Variants in EYS observed in about 807,000 individuals in gnomAD.
EYS encodes the protein EGF-like photoreceptor maintenance factor.
EYS carries 250 observed loss-of-function variants against 282.1 expected under a neutral mutation model. That is an observed-to-expected ratio of 0.89 (90% CI 0.80 to 0.98). The LOEUF (loss-of-function observed/expected upper bound fraction) is 0.98, where lower values mean the gene tolerates loss of function less well. EYS is among the 50% of genes least tolerant of loss of function. The pLI is 0.00. For synonymous variants in EYS, 1,355 were observed against 1,282.9 expected, an observed-to-expected ratio of 1.06 and a Z score of -1.20; for missense variants, 4,016 against 3,709.0, an observed-to-expected ratio of 1.08 and a Z score of -2.15.
At chr6:64,528,222 T>C (rs1777987335) in intron 26 of EYS, among the ~76,000 whole-genome samples, 1 of 151,918 alleles carries the variant, frequency 6.6e-6, no homozygotes, top group Non-Finnish European at 1.5e-5. Flanking sequence ...CTTTCATGCA[T>C]TGACAGGTAT....
In EYS at chr6:65,004,743, G is replaced by A. The variant is rs566982230; in HGVS notation, c.2138-7040C>T. Among the ~76,000 whole-genome samples, 2 of 146,720 alleles carry A rather than the reference G, an allele frequency of 1.4e-5. 1 individual carries two copies. The highest frequency in any genetic ancestry group is 3.1e-5 in the Non-Finnish European group (2 of 65,564). ...TCACCTGGCATATTTCAGCATAAAGGCATCCAATTTATTCTCTATTCTCTT... is the reference window on the plus strand; with the variant it reads ...TCACCTGGCATATTTCAGCATAAAGACATCCAATTTATTCTCTATTCTCTT... On this transcript the variant is annotated intron_variant, in intron 13 of 42. Transcript: ENST00000503581.
At position 64,248,996 on chromosome 6, in the gene EYS, A is replaced by T. The variant is rs1488965478; in HGVS notation, c.6192-18172T>A. Among the ~76,000 whole-genome samples, 3 of 145,666 alleles carry T rather than the reference A, an allele frequency of 2.1e-5. No individual in the cohort carries two copies. The East Asian group carries it at 6.3e-4, about 31-fold the overall frequency. ...GCTTGAATCTTGGAGGCTTGGAGGC[A>T]GTGGTTGCAACCAGCAGAGATCACG... On this transcript the variant is annotated intron_variant, in intron 30 of 42. Coordinates refer to ENST00000503581, the MANE Select transcript of EYS (RefSeq NM_001142800.2).
Position 63,806,207 on chromosome 6 carries a change from G to C in EYS, c.7394C>G (p.Thr2465Ser), listed in dbSNP as rs145184183. 550 of 1,551,384 alleles carry C rather than the reference G, an allele frequency of 3.5e-4. 7 individuals carry two copies. The East Asian group carries it at 0.013, about 37-fold the overall frequency. The change falls in exon 37 of 43, where the codon ACT becomes AGT. Residue 2465 changes from threonine (T) to serine (S), a missense_variant. Physicochemically the swap from Thr to Ser is moderately conservative, Grantham distance 58. Transcript: ENST00000503581. ...AATCTTACCATGGCCTTTCTGTCCA[G>C]TAAAAAATATCAAGTTATTTTGCAG... is the stretch of plus-strand genomic sequence containing the variant. ...SALQNNLIFF[T>S]GQKGHGLNGD... is the part of the protein sequence containing the mutation.
At chr6:64,162,868 T>C (rs895288581) in intron 31 of EYS, among the ~76,000 whole-genome samples, 3 of 152,202 alleles carry the variant, frequency 2.0e-5, no homozygotes, top group African/African-American at 7.2e-5. Context: ...TTCGACCTTA[T>C]GGTACCTCCA....
At chr6:63,785,347 C>T (rs1162538765) in intron 39 of EYS, among the ~76,000 whole-genome samples, 1 of 152,142 alleles carries the variant, frequency 6.6e-6, no homozygotes, top group African/African-American at 2.4e-5. Flanking sequence ...TGTTTCTTCC[C>T]CTTATTCCTC....
intron 22 of EYS, among the ~76,000 whole-genome samples, chr6:64,770,193 T>C (rs1241226981): frequency 6.6e-6 from 1 of 151,900 alleles, no homozygotes; most frequent in African/African-American, 2.4e-5. Context: ...CCAGTCCCTA[T>C]TAATACTTTC....
chr6:65,288,021 G>A (rs9354217), intron 12 of EYS, among the ~76,000 whole-genome samples: 81,856 of 150,940 alleles, frequency 0.54, 23,659 homozygotes, highest in East Asian at 0.91. Context: ...ATCAGACATT[G>A]TATAGAACAG....
chr6:65,430,313 T>C (rs1351996708), intron 5 of EYS, among the ~76,000 whole-genome samples: 3 of 152,104 alleles, frequency 2.0e-5, no homozygotes, highest in Non-Finnish European at 4.4e-5. Context: ...AACACCGAAC[T>C]CATCTGACAC....
intron 7 of EYS, among the ~76,000 whole-genome samples, chr6:65,385,338 A>C (rs1442603935): frequency 6.6e-6 from 1 of 151,946 alleles, no homozygotes; most frequent in African/African-American, 2.4e-5. Flanking sequence ...TAATTTCATA[A>C]AAGGGATCAA....
chr6:65,169,791 C>T (rs1234752737), intron 12 of EYS, among the ~76,000 whole-genome samples: 3 of 151,414 alleles, frequency 2.0e-5, no homozygotes. Flanking sequence ...TTACACTCTT[C>T]TTTCTAATAT....
chr6:65,619,607 A>T (rs2149800880), intron 2 of EYS, among the ~76,000 whole-genome samples: 1 of 152,102 alleles, frequency 6.6e-6, no homozygotes, highest in South Asian at 2.1e-4. Flanking sequence ...AGGAGTGGTG[A>T]GAGAGGGCAT....
chr6:65,648,161 G>C (rs531102464), intron 1 of EYS, among the ~76,000 whole-genome samples: 18 of 152,062 alleles, frequency 1.2e-4, no homozygotes, highest in African/African-American at 4.1e-4. Context: ...ATTTGATCAC[G>C]CAATTCCATT....
intron 2 of EYS, among the ~76,000 whole-genome samples, chr6:65,576,269 T>C (rs1184609742): frequency 6.6e-6 from 1 of 151,986 alleles, no homozygotes; most frequent in Non-Finnish European, 1.5e-5. Context: ...CAAGGATAAT[T>C]TAATATATGC....
At chr6:64,168,193 G>T (rs1764354893) in intron 31 of EYS, among the ~76,000 whole-genome samples, 1 of 152,118 alleles carries the variant, frequency 6.6e-6, no homozygotes, top group South Asian at 2.1e-4. Context: ...CCCGGGAGGG[G>T]GAGCTTGCAG....
intron 35 of EYS, among the ~76,000 whole-genome samples, chr6:63,974,023 C>T (rs1405265120): frequency 6.6e-6 from 1 of 152,068 alleles, no homozygotes; most frequent in Non-Finnish European, 1.5e-5. Flanking sequence ...GGTTTGTTTT[C>T]TTTCTAAATT....
chr6:65,454,922 T>C (rs1386768499), intron 5 of EYS, among the ~76,000 whole-genome samples: 1 of 152,140 alleles, frequency 6.6e-6, no homozygotes, highest in Non-Finnish European at 1.5e-5. Flanking sequence ...GTAGTGTATG[T>C]TGAAGTAAGG....
intron 34 of EYS, among the ~76,000 whole-genome samples, chr6:63,992,118 G>A (rs1319308704): frequency 6.6e-6 from 1 of 151,654 alleles, no homozygotes; most frequent in Non-Finnish European, 1.5e-5. Flanking sequence ...TGAAATAGAA[G>A]AATACTAGAC....
chr6:65,481,427 T>C (rs1765602902), intron 5 of EYS, among the ~76,000 whole-genome samples: 1 of 152,196 alleles, frequency 6.6e-6, no homozygotes, highest in African/African-American at 2.4e-5. Flanking sequence ...ATACAAGCAA[T>C]AAAGTTTCAT....
intron 35 of EYS, among the ~76,000 whole-genome samples, chr6:63,884,406 C>G (rs1275533362): frequency 6.6e-6 from 1 of 151,850 alleles, no homozygotes; most frequent in Non-Finnish European, 1.5e-5. Flanking sequence ...TAGTAATTAC[C>G]CTTGTGAGAG....
Sources: allele counts gnomAD v4.1 joint callset (sites outside exome capture counted in the v4.1 genomes callset), GRCh38; gene constraint gnomAD v4.1.1; transcripts MANE v1.5; gene names NCBI Gene and HGNC (gene_info 2026-07-23, HGNC 2026-07-21).